TRAPPC9: variants seen among roughly 807,000 people sequenced by gnomAD.
TRAPPC9 encodes the protein IKK2 binding protein.
TRAPPC9 carries 83 observed loss-of-function variants against 124.0 expected under a neutral mutation model. The ratio of observed to expected loss-of-function variants is 0.67; its 90% CI spans 0.56 to 0.80. The LOEUF (loss-of-function observed/expected upper bound fraction) is 0.80. Among genes scored for constraint, TRAPPC9 ranks in the 30% least tolerant of loss-of-function variants. The pLI, the probability that TRAPPC9 is intolerant of heterozygous loss-of-function variation, is 0.00. For missense variants in TRAPPC9, 1,302 were observed against 1,508.3 expected (o/e 0.86, Z 2.27); for synonymous variants, 638 against 617.5 (o/e 1.03, Z -0.49).
At chr8:140,114,256 T>C (rs1040050890) in intron 17 of TRAPPC9, among the ~76,000 whole-genome samples, 7 of 145,586 alleles carry the variant, frequency 4.8e-5, no homozygotes, top group Non-Finnish European at 1.0e-4. Context: ...CCCCAGGCCA[T>C]ATATCCAGCG....
chr8:139,923,613 A>G (rs1157229528), intron 19 of TRAPPC9, among the ~76,000 whole-genome samples: 1 of 152,004 alleles, frequency 6.6e-6, no homozygotes, highest in Non-Finnish European at 1.5e-5. Context: ...GGCTTCCCTG[A>G]CGAAGCACGT....
chr8:140,290,146 G>T (rs1356837880), intron 12 of TRAPPC9, among the ~76,000 whole-genome samples: 1 of 152,150 alleles, frequency 6.6e-6, no homozygotes, highest in Non-Finnish European at 1.5e-5. Flanking sequence ...AGGGACCAGG[G>T]CCTGACCATC....
chr8:140,242,966 G>A (rs73714813), intron 16 of TRAPPC9, among the ~76,000 whole-genome samples: 9,456 of 152,174 alleles, frequency 0.062, 526 homozygotes, highest in African/African-American at 0.15. Flanking sequence ...GAAAGAGTAA[G>A]GAGTAGCCAG....
intron 18 of TRAPPC9, among the ~76,000 whole-genome samples, chr8:140,017,086 C>A (rs947002456): frequency 5.3e-5 from 8 of 152,204 alleles, no homozygotes; most frequent in Non-Finnish European, 1.2e-4. Flanking sequence ...TGAGAAATAT[C>A]TGTTCAAATT....
chr8:139,975,295 GTTCTGTGAC>G, intron 19 of TRAPPC9, among the ~76,000 whole-genome samples: 1 of 152,210 alleles, frequency 6.6e-6, no homozygotes, highest in East Asian at 1.9e-4. Flanking sequence ...TAGCACACAG[GTTCTGTGAC>G]TTCCCTGAAC....
intron 21 of TRAPPC9, among the ~76,000 whole-genome samples, chr8:139,799,664 C>T (rs1213024953): frequency 6.6e-6 from 1 of 152,236 alleles, no homozygotes; most frequent in Non-Finnish European, 1.5e-5. Context: ...CAACTGTCCA[C>T]ACTCAGTCCG....
chr8:139,923,489 C>A (rs1410152038), intron 19 of TRAPPC9, among the ~76,000 whole-genome samples: 1 of 149,942 alleles, frequency 6.7e-6, no homozygotes, highest in Non-Finnish European at 1.5e-5. Context: ...ACACTCTGCT[C>A]CTGTCATTCC....
chr8:140,099,410 A>C (rs561042760), intron 17 of TRAPPC9: 1 of 151,910 alleles, frequency 6.6e-6, no homozygotes, highest in Non-Finnish European at 1.5e-5. Context: ...GAGCAGCTGC[A>C]GGAGTGCCGC....
At chr8:139,993,131 C>A (rs569343587) in intron 18 of TRAPPC9, among the ~76,000 whole-genome samples, 2 of 151,988 alleles carry the variant, frequency 1.3e-5, no homozygotes, top group Non-Finnish European at 2.9e-5. Context: ...ATTTTTAATG[C>A]GTTGCAAATA....
At chr8:140,301,016 T>G (rs527699898) in intron 10 of TRAPPC9, among the ~76,000 whole-genome samples, 1 of 152,298 alleles carries the variant, frequency 6.6e-6, no homozygotes, top group Admixed American at 6.5e-5. Flanking sequence ...ACCTTCCCCA[T>G]GGACCCATGG....
At chr8:139,835,564 G>A (rs765878451) in intron 21 of TRAPPC9, among the ~76,000 whole-genome samples, 23 of 152,276 alleles carry the variant, frequency 1.5e-4, no homozygotes, top group Non-Finnish European at 2.6e-4. Context: ...TAAACCTGGG[G>A]ACAGTGGGGA....
At chr8:139,777,010 C>A (rs548494707) in intron 21 of TRAPPC9, among the ~76,000 whole-genome samples, 5 of 152,168 alleles carry the variant, frequency 3.3e-5, no homozygotes, top group Non-Finnish European at 7.4e-5. Flanking sequence ...CACTGAGGTT[C>A]CAGCCACACT....
At chr8:139,758,112 G>A (rs1819976573) in intron 21 of TRAPPC9, among the ~76,000 whole-genome samples, 1 of 152,178 alleles carries the variant, frequency 6.6e-6, no homozygotes, top group Non-Finnish European at 1.5e-5. Context: ...TCTTCCACTT[G>A]GAAGGGAATC....
rs1554608008 is a variant in TRAPPC9, at chr8:140,018,324, A to ATTTTTTTTTTTTTTTTTTT, written c.2699+5612_2699+5613insAAAAAAAAAAAAAAAAAAA. 4.2e-5 allele frequency among the ~76,000 whole-genome samples: 5 copies of ATTTTTTTTTTTTTTTTTTT among 119,776 alleles called. 2 individuals are homozygous for ATTTTTTTTTTTTTTTTTTT. Among genetic ancestry groups the ATTTTTTTTTTTTTTTTTTT allele is most frequent in the African/African-American group, 1.3e-4 (4 of 30,666 alleles). 78.6% of individuals were successfully genotyped at this position (119,776 alleles called of 152,430 possible). On this transcript the variant is annotated intron_variant, in intron 18 of 22. Coordinates refer to ENST00000438773, the MANE Select transcript of TRAPPC9 (RefSeq NM_001160372.4). ...TTGCTGGTATATAGAAACGTAAGTG[A>ATTTTTTTTTTTTTTTTTTT]TTTTTTTTTTTTTTTTTGAGACGGA...
chr8:140,142,087 G>A (rs571183709), intron 17 of TRAPPC9, among the ~76,000 whole-genome samples: 2 of 152,308 alleles, frequency 1.3e-5, no homozygotes, highest in South Asian at 4.2e-4. Context: ...TGCTGGGGCA[G>A]TCGACAGAAT....
chr8:140,246,740 T>C (rs1226585846), intron 16 of TRAPPC9, among the ~76,000 whole-genome samples: 1 of 152,202 alleles, frequency 6.6e-6, no homozygotes, highest in Admixed American at 6.5e-5. Flanking sequence ...CGCCCAGCAC[T>C]TTGGGAGGCC....
chr8:140,419,307 T>C (rs1588319191), intron 5 of TRAPPC9, among the ~76,000 whole-genome samples: 1 of 150,674 alleles, frequency 6.6e-6, no homozygotes, highest in East Asian at 2.0e-4. Flanking sequence ...CGGGCACCTG[T>C]AGTCCCAGCT....
chr8:139,744,358 C>T (rs1407703159), intron 21 of TRAPPC9, among the ~76,000 whole-genome samples: 1 of 151,806 alleles, frequency 6.6e-6, no homozygotes, highest in Non-Finnish European at 1.5e-5. Flanking sequence ...TGCTCCTTTC[C>T]ACCACCCCTT....
chr8:140,378,712 G>A (rs1040130374), intron 7 of TRAPPC9, among the ~76,000 whole-genome samples: 26 of 152,094 alleles, frequency 1.7e-4, no homozygotes, highest in Middle Eastern at 3.2e-3. Flanking sequence ...TAAACGTGTC[G>A]TTTAGGGGAT....
Sources: gnomAD v4.1 joint callset for allele counts (sites outside exome capture counted in the v4.1 genomes callset) on GRCh38, gnomAD v4.1.1 for gene constraint, MANE v1.5 for transcripts, NCBI Gene and HGNC (gene_info 2026-07-23, HGNC 2026-07-21) for gene names.